KRT28: variants seen among roughly 807,000 people sequenced by gnomAD.
KRT28 encodes the protein keratin 28.
In KRT28, 45 loss-of-function variants were observed where a neutral mutation model predicts 48.1. The observed-to-expected ratio is 0.94, with a 90% CI of 0.74 to 1.20. The LOEUF (loss-of-function observed/expected upper bound fraction) is 1.20, where lower values mean the gene tolerates loss of function less well. KRT28 is among the 50% of genes most tolerant of loss of function. KRT28 has a pLI of 0.00. For synonymous variants in KRT28, 228 were observed against 227.4 expected (o/e 1.00, Z -0.03); for missense variants, 571 against 574.1 (o/e 0.99, Z 0.06).
intron 6 of KRT28, 94 bp from the exon 7 acceptor site, chr17:40,793,304 A>G: frequency 1.3e-6 from 1 of 752,598 alleles, no homozygotes. Flanking sequence ...GTATGCCAAA[A>G]ACAGGTCTTA....
Position 40,796,822 on chromosome 17 carries a change from G to A in KRT28, c.978+94C>T, listed in dbSNP as rs76534967. 1.0e-4 allele frequency: 152 copies of A among 1,463,222 alleles called. No individual in the cohort carries two copies. In the East Asian group the frequency reaches 3.2e-3, roughly 31 times the overall value. The allele number at this position is 1,463,222 out of a possible 1,614,324, so 90.6% of individuals were successfully genotyped here. On this transcript the variant is annotated intron_variant, in intron 5 of 7. Coordinates refer to ENST00000306658, the MANE Select transcript of KRT28 (RefSeq NM_181535.3). ...CTCTGCTAAGTATTTGCAGGCAAAG[G>A]TATAATAGGAAAAAAGAAGGAAGGG...
At position 40,797,272 on chromosome 17, in the gene KRT28, C is replaced by G. The variant is rs1223787535; in HGVS notation, c.700G>C (p.Ala234Pro). 6.2e-7 allele frequency: 1 copy of G among 1,613,036 alleles called. No individual in the cohort carries two copies. Among genetic ancestry groups the G allele is most frequent in the East Asian group, 2.2e-5 (1 of 44,894 alleles). Reference protein sequence around the residue: ...LKKNHEEEMKALQCAAGGNVN... With the variant: ...LKKNHEEEMKPLQCAAGGNVN... ...TTGCCCCCAGCCGCGCACTGCAGAG[C>G]CTTCATCTCCTGGAGAGAAGCAAGA... is the stretch of plus-strand genomic sequence containing the variant. Residue 234 changes from alanine (A) to proline (P), a missense_variant, in exon 4 of 8, where the codon GCT becomes CCT. Coordinates refer to ENST00000306658, the MANE Select transcript of KRT28 (RefSeq NM_181535.3).
Position 40,799,587 on chromosome 17 carries a change from T to C in KRT28, c.307A>G (p.Asn103Asp), listed in dbSNP as rs1366521242. The part of the protein sequence containing the change: ...LNDRLASYLD[N>D]VRALEEANAE... ...TTTGCCTCCTCCAGAGCTCGCACAT[T>C]ATCCAGGTAGGATGCCAAGCGGTCA... Residue 103 changes from asparagine to aspartate, a missense_variant, in exon 1 of 8, where the codon AAT becomes GAT. Physicochemically the swap from Asn to Asp is conservative, Grantham distance 23. Coordinates refer to ENST00000306658, the MANE Select transcript of KRT28 (RefSeq NM_181535.3). 1 of 1,614,182 alleles carries C rather than the reference T, an allele frequency of 6.2e-7. No individual in the cohort carries two copies. The highest frequency in any genetic ancestry group is 1.7e-5 in the Admixed American group (1 of 60,022).
rs775871045 is a variant in KRT28, at chr17:40,797,301, TGGCTTTAGG to T, written c.691-29_691-21del. 1.4e-5 allele frequency: 22 copies of T among 1,608,234 alleles called. No homozygotes were observed. The South Asian group carries it at 2.1e-4, about 15-fold the overall frequency. On this transcript the variant is annotated intron_variant, in intron 3 of 7. Coordinates refer to ENST00000306658, the MANE Select transcript of KRT28 (RefSeq NM_181535.3). ...CATCTCCTGGAGAGAAGCAAGAGTG[TGGCTTTAGG>T]GGCATTGCAGGTTCACACTCAGTCT...
In KRT28 at chr17:40,794,090, G is replaced by A. The variant is rs1311705944; in HGVS notation, c.979-44C>T. On this transcript the variant is annotated intron_variant, in intron 5 of 7. Coordinates refer to ENST00000306658, the MANE Select transcript of KRT28 (RefSeq NM_181535.3). ...CCGTGGCAAGGGATGAAAACACTCT[G>A]AGGACTAGTAGAACATTGTTTCTCA... 9 of 1,604,792 alleles carry A rather than the reference G, an allele frequency of 5.6e-6. No individual in the cohort carries two copies. In the African/African-American group the frequency reaches 9.4e-5, roughly 17 times the overall value.
Position 40,797,141 on chromosome 17 carries a change from C to G in KRT28, c.831G>C (p.Ala277=). 1 of 1,613,998 alleles carries G rather than the reference C, an allele frequency of 6.2e-7. No homozygotes were observed. The highest frequency in any genetic ancestry group is 8.5e-7 in the Non-Finnish European group (1 of 1,179,924). Residue 277 remains alanine (A), a synonymous_variant, in exon 4 of 8, where the codon GCG becomes GCC. Transcript: ENST00000306658. ...TCACCTTCTCATTGAACCAGGCCTCCGCGTCCTTGCGGTTCTGCTCTGCAA... is the reference window on the plus strand; with the variant it reads ...TCACCTTCTCATTGAACCAGGCCTCGGCGTCCTTGCGGTTCTGCTCTGCAA... ...EALAEQNRKD[A]EAWFNEKSAS...
intron 3 of KRT28, 119 bp from the exon 4 acceptor site, chr17:40,797,400 C>T: frequency 2.1e-6 from 2 of 934,174 alleles, no homozygotes; most frequent in Non-Finnish European, 3.2e-6. Context: ...ATTTATGGCA[C>T]ACAATTTTTT....
chr17:40,796,225 T>C (rs1904610893), intron 5 of KRT28, among the ~76,000 whole-genome samples: 1 of 152,308 alleles, frequency 6.6e-6, no homozygotes, highest in South Asian at 2.1e-4. Flanking sequence ...GTGCATGCCG[T>C]AATTCTCAAA....
chr17:40,792,599 T>A, intron 7 of KRT28, 30 bp from the exon 8 acceptor site: 1 of 1,553,000 alleles, frequency 6.4e-7, no homozygotes, highest in Admixed American at 1.9e-5. Context: ...ATACATATAT[T>A]CAACCAAAAA....
At chr17:40,796,794 T>C in intron 5 of KRT28, 122 bp downstream of exon 5, 1 of 1,321,338 alleles carries the variant, frequency 7.6e-7, no homozygotes, top group South Asian at 1.5e-5. Flanking sequence ...TCTCCTCCAC[T>C]CTCTCTGCTA....
Position 40,798,290 on chromosome 17 carries a change from A to C in KRT28, c.635T>G (p.Leu212Arg). ...ELTLCRTDQE[L>R]QYESLSEEMT... ...CTCCTCACTCAGAGACTCATATTGC[A>C]GCTCCTGGTCGGTCCTGCAGAGCGT... Residue 212 changes from leucine to arginine, a missense_variant, in exon 3 of 8, where the codon CTG becomes CGG. Leu to Arg is a moderately radical substitution (Grantham distance 102, BLOSUM62 -2). Transcript: ENST00000306658. The C allele has an allele frequency of 6.2e-7, 1 of 1,613,418 alleles. No individual in the cohort carries two copies. Among genetic ancestry groups the C allele is most frequent in the East Asian group, 2.2e-5 (1 of 44,874 alleles).
At chr17:40,793,036 G>T in intron 7 of KRT28, 119 bp downstream of exon 7, 1 of 602,508 alleles carries the variant, frequency 1.7e-6, no homozygotes, top group Non-Finnish European at 2.8e-6. Flanking sequence ...GGAGGTGGAG[G>T]TTGCAGTGAG....
At chr17:40,794,943 A>G (rs1244987669) in intron 5 of KRT28, among the ~76,000 whole-genome samples, 1 of 152,232 alleles carries the variant, frequency 6.6e-6, no homozygotes, top group Admixed American at 6.5e-5. Flanking sequence ...TTTCTAGGGT[A>G]GTTAGGCCCA....
At chr17:40,797,506 T>C (rs1440574120) in intron 3 of KRT28, among the ~76,000 whole-genome samples, 3 of 152,210 alleles carry the variant, frequency 2.0e-5, no homozygotes, top group Admixed American at 1.3e-4. Flanking sequence ...CCCAGCACTT[T>C]GGGAGGCTGA....
At chr17:40,797,804 C>T (rs1435621248) in intron 3 of KRT28, among the ~76,000 whole-genome samples, 2 of 152,024 alleles carry the variant, frequency 1.3e-5, no homozygotes, top group Non-Finnish European at 2.9e-5. Flanking sequence ...ATTAAAATTA[C>T]CACCACCACC....
At chr17:40,799,184 C>T (rs35583648) in intron 1 of KRT28, among the ~76,000 whole-genome samples, 185 bp from the exon 2 acceptor site, 6,889 of 152,138 alleles carry the variant, frequency 0.045, 554 homozygotes, top group African/African-American at 0.16. Flanking sequence ...CTCATATATT[C>T]CCCTAAATTT....
Position 40,793,997 on chromosome 17 carries a change from G to C in KRT28, c.1028C>G (p.Thr343Arg). The C allele has an allele frequency of 6.2e-7, 1 of 1,613,912 alleles. No homozygotes were observed. Among genetic ancestry groups the C allele is most frequent in the Non-Finnish European group, 8.5e-7 (1 of 1,179,854 alleles). ...SLTETESNYC[T>R]QLAQIQAQIG... ...CTGAGCCTGGATCTGCGCCAGCTGC[G>C]TACAGTAGTTGCTCTCGGTCTCTGT... The change falls in exon 6 of 8, where the codon ACG (threonine) becomes AGG (arginine). Residue 343 changes from threonine to arginine, a missense_variant. Transcript: ENST00000306658.
chr17:40,793,076 G>C, intron 7 of KRT28, 79 bp downstream of exon 7: 2 of 905,798 alleles, frequency 2.2e-6, no homozygotes, highest in Non-Finnish European at 3.3e-6. Flanking sequence ...TTCCAGCCTG[G>C]GCAACAGAGC....
Position 40,799,442 on chromosome 17 carries a change from A to T in KRT28, c.450+2T>A. On this transcript the variant is annotated splice_donor_variant, in intron 1 of 7. Coordinates refer to ENST00000306658, the MANE Select transcript of KRT28 (RefSeq NM_181535.3). LOFTEE classifies it high-confidence loss of function. Reference sequence around the variant, plus strand: ...GTTAGTTCCAAATCTGTGATTTCTCACCTTATTCTTAAGATCCTCAATTGT... The same window carrying T: ...GTTAGTTCCAAATCTGTGATTTCTCTCCTTATTCTTAAGATCCTCAATTGT... 6.3e-7 allele frequency: 1 copy of T among 1,592,108 alleles called. No individual in the cohort carries two copies. Among genetic ancestry groups the T allele is most frequent in the Non-Finnish European group, 8.6e-7 (1 of 1,167,276 alleles).
Sources: allele counts gnomAD v4.1 joint callset (sites outside exome capture counted in the v4.1 genomes callset), GRCh38; gene constraint gnomAD v4.1.1; transcripts MANE v1.5; gene names NCBI Gene and HGNC (gene_info 2026-07-23, HGNC 2026-07-21).